MST1: variants seen among roughly 807,000 people sequenced by gnomAD.
MST1 encodes macrophage stimulating 1, also known as hepatocyte growth factor-like protein.
Under a neutral mutation model 100.1 loss-of-function variants are expected in MST1, and 76 were observed. That is an observed-to-expected ratio of 0.76 (90% confidence interval 0.63 to 0.92). The LOEUF is 0.92. MST1 is among the 40% of genes least tolerant of loss of function. The pLI, the probability that MST1 is intolerant of heterozygous loss-of-function variation, is 0.00. For synonymous variants in MST1, 352 were observed against 385.4 expected (o/e 0.91, Z 1.01); for missense variants, 850 against 990.0 (o/e 0.86, Z 1.90).
In MST1 at chr3:49,685,058, C is replaced by T; in HGVS notation, c.1576G>A (p.Val526Met). 6.2e-7 allele frequency: 1 copy of T among 1,611,654 alleles called. No individual in the cohort carries two copies. The highest frequency in any genetic ancestry group is 1.1e-5 in the South Asian group (1 of 90,780). Residue 526 changes from valine to methionine, a missense_variant, in exon 14 of 18, where the codon GTG becomes ATG. Val to Met is a conservative substitution (Grantham distance 21). Transcript: ENST00000449682. Reference sequence around the variant, plus strand: ...GCAGTCAGTATCCACTGCTCCTTCACTAGAGACCCCCCGCAGAAATGCTGG... The same window carrying T: ...GCAGTCAGTATCCACTGCTCCTTCATTAGAGACCCCCCGCAGAAATGCTGG... Reference protein sequence around the residue: ...QGQHFCGGSLVKEQWILTARQ... With the variant: ...QGQHFCGGSLMKEQWILTARQ...
At position 49,686,296 on chromosome 3, in the gene MST1, C is replaced by T. The variant is rs1156303014; in HGVS notation, c.1016+17G>A. 6 of 1,323,842 alleles carry T rather than the reference C, an allele frequency of 4.5e-6. No individual in the cohort carries two copies. The highest frequency in any genetic ancestry group is 2.6e-5 in the East Asian group (1 of 38,676). 82.0% of individuals were successfully genotyped at this position (1,323,842 alleles called of 1,614,324 possible). A position where few individuals can be genotyped will look rare whatever the true frequency, so the allele number is the denominator to read the frequency against. On this transcript the variant is annotated intron_variant, in intron 8 of 17. Transcript: ENST00000449682. ...GCAGCAGCACGTCCCAACGCCCGCCCCCCCCCCCCACCTCACTTGCACGCG... is the reference window on the plus strand; with the variant it reads ...GCAGCAGCACGTCCCAACGCCCGCCTCCCCCCCCCACCTCACTTGCACGCG...
rs762961789 is a variant in MST1, at chr3:49,687,287, T to G, written c.471-2A>C. 5 of 1,613,376 alleles carry G rather than the reference T, an allele frequency of 3.1e-6. No individual in the cohort carries two copies. The African/African-American group carries it at 6.7e-5, about 22-fold the overall frequency. On this transcript the variant is annotated splice_acceptor_variant, in intron 4 of 17. Transcript: ENST00000449682. LOFTEE classifies it high-confidence loss of function. ...CCATTCCGGAGAGTGGGCGTGTACCTGAGGGCCCAGAGCATCACTATAGTG... is the reference window on the plus strand; with the variant it reads ...CCATTCCGGAGAGTGGGCGTGTACCGGAGGGCCCAGAGCATCACTATAGTG...
rs2053582567 is a variant in MST1, at chr3:49,685,009, CACCAGGAGG to C, written c.1616_1622+2del. On this transcript the variant is annotated splice_donor_variant and coding_sequence_variant, in exon 14 of 18. Coordinates refer to ENST00000449682, the MANE Select transcript of MST1 (RefSeq NM_020998.4). LOFTEE classifies it high-confidence loss of function. ...TGGGTCCCCAAACACAAGGGAGGCT[CACCAGGAGG>C]AGAAGCACTGCCGGGCAGTCAGTAT... 6.2e-7 allele frequency: 1 copy of C among 1,612,092 alleles called. No individual in the cohort carries two copies. Among genetic ancestry groups the C allele is most frequent in the South Asian group, 1.1e-5 (1 of 90,926 alleles).
rs2053884796 is a variant in MST1, at chr3:49,687,584, A to C, written c.327T>G (p.Ser109=). 6.2e-7 allele frequency: 1 copy of C among 1,613,412 alleles called. No individual in the cohort carries two copies. Among genetic ancestry groups the C allele is most frequent in the Non-Finnish European group, 8.5e-7 (1 of 1,179,864 alleles). The change falls in exon 3 of 18, where the codon TCT becomes TCG. Residue 109 remains serine (S), a synonymous_variant. Transcript: ENST00000449682. ...QHSPHTRLRR[S]GRCDLFQKKD... ...TCTTCTGGAAGAGGTCACAGCGCCCAGAACGCCGCAGCCTCGTGTGGGGCG... is the reference window on the plus strand; with the variant it reads ...TCTTCTGGAAGAGGTCACAGCGCCCCGAACGCCGCAGCCTCGTGTGGGGCG...
Position 49,687,656 on chromosome 3 carries a change from G to A in MST1, c.255C>T (p.Tyr85=). ...GPLMDCRAFH[Y]NVSSHGCQLL... ...GTTGGCAACCATGGCTGCTCACGTT[G>A]TAGTGGAAGGCCCTGGAGAGAAGAA... The change falls in exon 3 of 18, where the codon TAC becomes TAT. Residue 85 remains tyrosine, a synonymous_variant. Coordinates refer to ENST00000449682, the MANE Select transcript of MST1 (RefSeq NM_020998.4). The A allele has an allele frequency of 6.2e-7, 1 of 1,613,486 alleles. No individual in the cohort carries two copies. Among genetic ancestry groups the A allele is most frequent in the Non-Finnish European group, 8.5e-7 (1 of 1,179,872 alleles).
rs1231113432 is a variant in MST1 at position 49,686,767 on chromosome 3, C to T, written c.764G>A (p.Arg255Gln). 2 of 1,610,600 alleles carry T rather than the reference C, an allele frequency of 1.2e-6. No homozygotes were observed. The highest frequency in any genetic ancestry group is 1.7e-5 in the Admixed American group (1 of 59,860). Residue 255 changes from arginine (R) to glutamine (Q), a missense_variant, in exon 7 of 18, where the codon CGG becomes CAG. Transcript: ENST00000449682. ...TGGCCGCTCGGAGCCGTCAGGATTC[C>T]GGCAATAGTTGTCGTCCAGACCTTG... ...LDQGLDDNYCRNPDGSERPWC... is the reference protein window; with the variant it reads ...LDQGLDDNYCQNPDGSERPWC...
Position 49,684,820 on chromosome 3 carries a change from C to G in MST1, c.1687G>C (p.Glu563Gln), listed in dbSNP as rs748940802. 31 of 1,613,382 alleles carry G rather than the reference C, an allele frequency of 1.9e-5. No individual in the cohort carries two copies. In the South Asian group the frequency reaches 2.4e-4, roughly 13 times the overall value. The change falls in exon 15 of 18, where the codon GAG becomes CAG. Residue 563 changes from glutamate to glutamine, a missense_variant. Physicochemically the swap from Glu to Gln is conservative, Grantham distance 29 (BLOSUM62 2). Around this residue, in one of 2 missense-constraint regions of MST1, gnomAD observed 816 missense variants for 924.6 expected, o/e 0.88. Transcript: ENST00000449682. ...GTLFQNPQHG[E>Q]PSLQRVPVAK... ...ACTGGGACCCGCTGTAGGCTTGGCT[C>G]TCCATGCTGTGGGTTCTGGAACAGG...
chr3:49,687,184 C>G lies in MST1; in HGVS notation c.572G>C (p.Arg191Pro). Residue 191 changes from arginine to proline, a missense_variant, in exon 5 of 18, where the codon CGC (arginine) becomes CCC (proline). By Grantham distance (103) the Arg-to-Pro change is moderately radical. This residue lies in a region of MST1 where 816 missense variants were observed against 924.6 expected (regional missense o/e 0.88). Transcript: ENST00000449682. ...GGATTTGATGCCGCAGCTCTGGAAG[C>G]GCACAGCAGGGTCTGTTGTGTAGCA... The part of the protein sequence containing the change: ...PWCYTTDPAV[R>P]FQSCGIKSCR... 2 of 1,613,334 alleles carry G rather than the reference C, an allele frequency of 1.2e-6. No homozygotes were observed. Among genetic ancestry groups the G allele is most frequent in the South Asian group, 1.1e-5 (1 of 91,080 alleles).
chr3:49,684,451 T>C lies in MST1; in HGVS notation c.1879A>G (p.Thr627Ala), dbSNP rs1219187352. The C allele has an allele frequency of 1.2e-6, 2 of 1,613,348 alleles. No homozygotes were observed. Among genetic ancestry groups the C allele is most frequent in the Non-Finnish European group, 8.5e-7 (1 of 1,179,846 alleles). ...ACATTTAGGACTGTGTCATTACCCGTACCTGCAGTGAGGGGAATGGGGAGA... is the reference window on the plus strand; with the variant it reads ...ACATTTAGGACTGTGTCATTACCCGCACCTGCAGTGAGGGGAATGGGGAGA... ...EIAGWGETKG[T>A]GNDTVLNVAL... The change falls in exon 17 of 18, where the codon ACG becomes GCG. Residue 627 changes from threonine to alanine, a missense_variant and splice_region_variant. By Grantham distance (58) the Thr-to-Ala change is moderately conservative. Around this residue, in one of 2 missense-constraint regions of MST1, gnomAD observed 816 missense variants for 924.6 expected, o/e 0.88. Coordinates refer to ENST00000449682, the MANE Select transcript of MST1 (RefSeq NM_020998.4).
At position 49,687,301 on chromosome 3, in the gene MST1, A is replaced by G. The variant is rs543088520; in HGVS notation, c.471-16T>C. 15 of 1,613,508 alleles carry G rather than the reference A, an allele frequency of 9.3e-6. 1 individual carries two copies. The African/African-American group carries it at 1.3e-4, about 14-fold the overall frequency. ...GGGCGTGTACCTGAGGGCCCAGAGC[A>G]TCACTATAGTGTGTGCTGGGGGAAG... On this transcript the variant is annotated splice_polypyrimidine_tract_variant and intron_variant, in intron 4 of 17. Coordinates refer to ENST00000449682, the MANE Select transcript of MST1 (RefSeq NM_020998.4).
In MST1 at chr3:49,687,555, C is replaced by A. The variant is rs1450720763; in HGVS notation, c.355+1G>T. ...CCCTGCCCCTCTCCACCCCCACTTGCCTTTCTTCTGGAAGAGGTCACAGCG... is the reference window on the plus strand; with the variant it reads ...CCCTGCCCCTCTCCACCCCCACTTGACTTTCTTCTGGAAGAGGTCACAGCG... On this transcript the variant is annotated splice_donor_variant, in intron 3 of 17. Coordinates refer to ENST00000449682, the MANE Select transcript of MST1 (RefSeq NM_020998.4). LOFTEE classifies it high-confidence loss of function. The A allele has an allele frequency of 6.2e-7, 1 of 1,613,410 alleles. No homozygotes were observed. The highest frequency in any genetic ancestry group is 1.3e-5 in the African/African-American group (1 of 74,934).
chr3:49,684,364 C>G lies in MST1; in HGVS notation c.1966G>C (p.Glu656Gln), dbSNP rs199810403. Residue 656 changes from glutamate (E) to glutamine (Q), a missense_variant, in exon 17 of 18, where the codon GAG (glutamate) becomes CAG (glutamine). Glu to Gln is a conservative substitution (Grantham distance 29). Around this residue, in one of 2 missense-constraint regions of MST1, gnomAD observed 816 missense variants for 924.6 expected, o/e 0.88. Coordinates refer to ENST00000449682, the MANE Select transcript of MST1 (RefSeq NM_020998.4). ...AGTCCCTCAGTGCACATCTCACTCT[C>G]CCGCACACGTCCTCGGTGCTTGATG... ...CNIKHRGRVR[E>Q]SEMCTEGLLA... 14 of 1,613,216 alleles carry G rather than the reference C, an allele frequency of 8.7e-6. No individual in the cohort carries two copies. Among genetic ancestry groups the G allele is most frequent in the African/African-American group, 1.3e-5 (1 of 74,944 alleles).
rs2053561403 is a variant in MST1, at chr3:49,684,843, AGG to A, written c.1662_1663del (p.Leu555ValfsTer51). 4.3e-6 allele frequency: 7 copies of A among 1,613,570 alleles called. No homozygotes were observed. In the East Asian group the frequency reaches 1.6e-4, roughly 36 times the overall value. Reference sequence around the variant, plus strand: ...CTCTCCATGCTGTGGGTTCTGGAACAGGGTGCCCAACCATACCTCATAGCCCG... The same window carrying A: ...CTCTCCATGCTGTGGGTTCTGGAACAGTGCCCAACCATACCTCATAGCCCG... On this transcript the variant is annotated frameshift_variant, in exon 15 of 18. Coordinates refer to ENST00000449682, the MANE Select transcript of MST1 (RefSeq NM_020998.4). LOFTEE classifies it high-confidence loss of function.
At position 49,687,759 on chromosome 3, in the gene MST1, A is replaced by G. The variant is rs766477367; in HGVS notation, c.233T>C (p.Met78Thr). 1 of 1,613,582 alleles carries G rather than the reference A, an allele frequency of 6.2e-7. No individual in the cohort carries two copies. Among genetic ancestry groups the G allele is most frequent in the Non-Finnish European group, 8.5e-7 (1 of 1,179,852 alleles). ...CCCAGTGGCCACTCACCGGCAGTCC[A>G]TTAAGGGCCCACAGCGACCAGCACA... Reference protein sequence around the residue: ...EECAGRCGPLMDCRAFHYNVS... With the variant: ...EECAGRCGPLTDCRAFHYNVS... The change falls in exon 2 of 18, where the codon ATG (methionine) becomes ACG (threonine). Residue 78 changes from methionine to threonine, a missense_variant. By Grantham distance (81) the Met-to-Thr change is moderately conservative. This residue lies in a region of MST1 where 816 missense variants were observed against 924.6 expected (regional missense o/e 0.88). Transcript: ENST00000449682.
chr3:49,688,802 G>A lies in MST1; in HGVS notation c.-111C>T, dbSNP rs1413688981. The A allele has an allele frequency of 3.7e-6, 3 of 803,770 alleles. No homozygotes were observed. Among genetic ancestry groups the A allele is most frequent in the Admixed American group, 2.7e-5 (1 of 36,436 alleles). 49.8% of individuals were successfully genotyped at this position (803,770 alleles called of 1,614,324 possible). On this transcript the variant is annotated 5_prime_UTR_variant, in exon 1 of 18. Coordinates refer to ENST00000449682, the MANE Select transcript of MST1 (RefSeq NM_020998.4). Reference sequence around the variant, plus strand: ...GACCTGGTGACAGGAGCCATGAGGGGCCAGGCCTCAGGTCCCATAGGTCAG... The same window carrying A: ...GACCTGGTGACAGGAGCCATGAGGGACCAGGCCTCAGGTCCCATAGGTCAG...
chr3:49,687,536 C>T lies in MST1; in HGVS notation c.355+20G>A, dbSNP rs754037597. On this transcript the variant is annotated intron_variant, in intron 3 of 17. Coordinates refer to ENST00000449682, the MANE Select transcript of MST1 (RefSeq NM_020998.4). ...TGAGGTCCCCTGTCTCCCACCCTGC[C>T]CCTCTCCACCCCCACTTGCCTTTCT... 6.2e-7 allele frequency: 1 copy of T among 1,613,450 alleles called. No individual in the cohort carries two copies. Among genetic ancestry groups the T allele is most frequent in the South Asian group, 1.1e-5 (1 of 91,076 alleles).
In MST1 at chr3:49,685,044, C is replaced by A; in HGVS notation, c.1590G>T (p.Trp530Cys). The A allele has an allele frequency of 6.2e-7, 1 of 1,611,692 alleles. No individual in the cohort carries two copies. Among genetic ancestry groups the A allele is most frequent in the Non-Finnish European group, 8.5e-7 (1 of 1,179,062 alleles). Residue 530 changes from tryptophan to cysteine, a missense_variant, in exon 14 of 18, where the codon TGG becomes TGT. Trp to Cys is a radical substitution (Grantham distance 215, BLOSUM62 -2). Coordinates refer to ENST00000449682, the MANE Select transcript of MST1 (RefSeq NM_020998.4). ...FCGGSLVKEQ[W>C]ILTARQCFSS... ...AGAAGCACTGCCGGGCAGTCAGTAT[C>A]CACTGCTCCTTCACTAGAGACCCCC...
intron 5 of MST1, 30 bp downstream of exon 5, chr3:49,687,119 A>C (rs202053025): frequency 8.1e-6 from 13 of 1,612,294 alleles, no homozygotes; most frequent in Admixed American, 1.7e-5. Flanking sequence ...TTGTCCCTCC[A>C]CTCTCCCAGC....
intron 8 of MST1, 52 bp from the exon 9 acceptor site, chr3:49,686,244 C>T (rs542022062): frequency 1.9e-6 from 3 of 1,607,220 alleles, no homozygotes; most frequent in South Asian, 2.2e-5. Flanking sequence ...GCCTTGAGCC[C>T]GTGACTACCT....
Sources: gnomAD v4.1 joint callset for allele counts on GRCh38, gnomAD v4.1.1 for gene constraint, gnomAD v4.1.1 regional missense constraint, MANE v1.5 for transcripts, NCBI Gene and HGNC (gene_info 2026-07-23, HGNC 2026-07-21) for gene names.